RNF103: variants seen among roughly 807,000 people sequenced by gnomAD.
RNF103 encodes E3 ubiquitin-protein ligase RNF103.
In RNF103, 23 loss-of-function variants were observed where a neutral mutation model predicts 66.2. That is an observed-to-expected ratio of 0.35 (90% CI 0.25 to 0.49). The LOEUF (loss-of-function observed/expected upper bound fraction) is 0.49. Ranked by LOEUF, RNF103 falls within the 20% of genes least tolerant of loss-of-function variation. The probability of loss-of-function intolerance (pLI) is 0.98; values close to 1 mark genes in which losing one functional copy is unlikely to be tolerated. For synonymous variants in RNF103, 297 were observed against 289.9 expected (o/e 1.02, Z -0.25); for missense variants, 730 against 814.7 (o/e 0.90, Z 1.27).
At position 86,605,026 on chromosome 2, in the gene RNF103, G is replaced by C. The variant is rs770748077; in HGVS notation, c.875C>G (p.Thr292Ser). The C allele has an allele frequency of 1.9e-6, 3 of 1,613,962 alleles. No individual in the cohort carries two copies. The highest frequency in any genetic ancestry group is 2.2e-5 in the East Asian group (1 of 44,818). The part of the protein sequence containing the change: ...IYNMPSYILR[T>S]PEGIYRYGNH... ...TCCATACCTGTAAATTCCTTCAGGA[G>C]TTCTAAGTATGTATGATGGCATATT... The change falls in exon 4 of 4, where the codon ACT becomes AGT. Residue 292 changes from threonine to serine, a missense_variant. By Grantham distance (58) the Thr-to-Ser change is moderately conservative (BLOSUM62 1). This residue lies in a region of RNF103 where 327 missense variants were observed against 369.8 expected (regional missense o/e 0.88). Coordinates refer to ENST00000237455, the MANE Select transcript of RNF103 (RefSeq NM_005667.4).
In RNF103 at chr2:86,604,919, C is replaced by G. The variant is rs1343964859; in HGVS notation, c.982G>C (p.Val328Leu). Residue 328 changes from valine (V) to leucine (L), a missense_variant, in exon 4 of 4, where the codon GTT becomes CTT. Around this residue, in one of 3 missense-constraint regions of RNF103, gnomAD observed 48 missense variants for 93.0 expected, o/e 0.52. Coordinates refer to ENST00000237455, the MANE Select transcript of RNF103 (RefSeq NM_005667.4). ...AGATTAACTAGAACCAAGCTCAAAA[C>G]AAACAGATCATTTACCTCGGGTTGT... ...SLQPEVNDLFVLSLVLVNLMA... is the reference protein window; with the variant it reads ...SLQPEVNDLFLLSLVLVNLMA... 6.2e-7 allele frequency: 1 copy of G among 1,614,096 alleles called. No homozygotes were observed. Among genetic ancestry groups the G allele is most frequent in the Admixed American group, 1.7e-5 (1 of 60,018 alleles).
In RNF103 at chr2:86,620,455, C is replaced by A. The variant is rs976858483; in HGVS notation, c.241G>T (p.Gly81Cys). The change falls in exon 2 of 4, where the codon GGT (glycine) becomes TGT (cysteine). Residue 81 changes from glycine to cysteine, a missense_variant. By Grantham distance (159) the Gly-to-Cys change is radical. This residue lies in a region of RNF103 where 327 missense variants were observed against 369.8 expected (regional missense o/e 0.88). Coordinates refer to ENST00000237455, the MANE Select transcript of RNF103 (RefSeq NM_005667.4). ...TCCTTGAGAGCAGAATAGAGCTCAC[C>A]CTCCATCAAGTCACCTGAAGAAAGG... ...LVEKSGDLMEGELYSALKEEE... is the reference protein window; with the variant it reads ...LVEKSGDLMECELYSALKEEE... The A allele has an allele frequency of 1.9e-6, 3 of 1,584,446 alleles. No homozygotes were observed. In the African/African-American group the frequency reaches 4.0e-5, roughly 21 times the overall value.
chr2:86,604,663 T>C lies in RNF103; in HGVS notation c.1238A>G (p.Tyr413Cys), dbSNP rs1164188214. 1 of 1,614,098 alleles carries C rather than the reference T, an allele frequency of 6.2e-7. No homozygotes were observed. The highest frequency in any genetic ancestry group is 8.5e-7 in the Non-Finnish European group (1 of 1,180,028). ...ASWVRADWMF[Y>C]SSHPALFLST... ...GAGAAACAGGGCTGGGTGTGAAGAGTAAAACATCCAGTCTGCCCTTACCCA... is the reference window on the plus strand; with the variant it reads ...GAGAAACAGGGCTGGGTGTGAAGAGCAAAACATCCAGTCTGCCCTTACCCA... Residue 413 changes from tyrosine to cysteine, a missense_variant, in exon 4 of 4, where the codon TAC (tyrosine) becomes TGC (cysteine). By Grantham distance (194) the Tyr-to-Cys change is radical (BLOSUM62 -2). Coordinates refer to ENST00000237455, the MANE Select transcript of RNF103 (RefSeq NM_005667.4).
chr2:86,614,737 G>A (rs1246249520), intron 2 of RNF103: 1 of 952,644 alleles, frequency 1.0e-6, no homozygotes, highest in Non-Finnish European at 1.2e-6. Context: ...TAGTTCTTTT[G>A]GTCAAATAAT....
At chr2:86,608,086 GT>G (rs555137683) in intron 3 of RNF103, among the ~76,000 whole-genome samples, 663 of 152,152 alleles carry the variant, frequency 4.4e-3, no homozygotes, top group Non-Finnish European at 7.7e-3. Context: ...ATATCCTCTA[GT>G]TTTTAAACTA....
chr2:86,617,006 C>T, intron 2 of RNF103: 5 of 985,192 alleles, frequency 5.1e-6, no homozygotes, highest in Non-Finnish European at 6.0e-6. Flanking sequence ...AAATGAATAG[C>T]TAATGAAAGA....
At chr2:86,617,219 G>A (rs1679053995) in intron 2 of RNF103, 1 of 985,270 alleles carries the variant, frequency 1.0e-6, no homozygotes, top group South Asian at 4.7e-5. Flanking sequence ...AAAATATGAA[G>A]AGGATTGAAC....
At chr2:86,613,665 T>C (rs1678892836) in intron 2 of RNF103, 1 of 152,140 alleles carries the variant, frequency 6.6e-6, no homozygotes, top group Non-Finnish European at 1.5e-5. Flanking sequence ...GTCAACTCCT[T>C]GGGAGACGCA....
Position 86,612,270 on chromosome 2 carries a change from A to G in RNF103, c.371T>C (p.Ile124Thr), listed in dbSNP as rs1678826869. 2.5e-6 allele frequency: 4 copies of G among 1,602,000 alleles called. No individual in the cohort carries two copies. Among genetic ancestry groups the G allele is most frequent in the South Asian group, 1.1e-5 (1 of 89,838 alleles). Residue 124 changes from isoleucine (I) to threonine (T), a missense_variant, in exon 3 of 4, where the codon ATA becomes ACA. By Grantham distance (89) the Ile-to-Thr change is moderately conservative. Transcript: ENST00000237455. ...CACCAAGGGACTTCTGTCATTTGCTATGACCTATTCCCAAAAATAGAGAAA... is the reference window on the plus strand; with the variant it reads ...CACCAAGGGACTTCTGTCATTTGCTGTGACCTATTCCCAAAAATAGAGAAA... ...TKDGIWLVQV[I>T]ANDRSPLVGK...
intron 2 of RNF103, 100 bp from the exon 3 acceptor site, chr2:86,612,374 T>C: frequency 1.5e-6 from 1 of 673,710 alleles, no homozygotes. Flanking sequence ...AAAAAAGATA[T>C]TCTGTTCCCA....
intron 2 of RNF103, among the ~76,000 whole-genome samples, chr2:86,619,629 A>C (rs543094455): frequency 2.8e-4 from 43 of 152,342 alleles, no homozygotes; most frequent in African/African-American, 9.1e-4. Context: ...AAAATTTATG[A>C]AATTTATGTT....
intron 3 of RNF103, among the ~76,000 whole-genome samples, chr2:86,606,642 G>T (rs1210360862): frequency 7.8e-6 from 1 of 127,518 alleles, no homozygotes; most frequent in African/African-American, 3.1e-5. Flanking sequence ...CAGCCTGGGC[G>T]ACAGAGCAAA....
intron 2 of RNF103, chr2:86,612,617 A>C (rs1678843387): frequency 1.2e-5 from 2 of 168,184 alleles, no homozygotes; most frequent in South Asian, 3.9e-4. Flanking sequence ...CCTTGGAATA[A>C]TTTCTCTTTG....
At chr2:86,611,920 G>A (rs1036834989) in intron 3 of RNF103, among the ~76,000 whole-genome samples, 4 of 152,142 alleles carry the variant, frequency 2.6e-5, no homozygotes, top group African/African-American at 9.7e-5. Flanking sequence ...AAACACAGAA[G>A]AGCCAGAGAA....
intron 3 of RNF103, among the ~76,000 whole-genome samples, chr2:86,608,839 C>T (rs1048091976): frequency 5.3e-5 from 8 of 152,140 alleles, no homozygotes; most frequent in African/African-American, 1.7e-4. Flanking sequence ...CCTCTGAAAT[C>T]GATCTGCTGG....
At chr2:86,606,493 T>C (rs753516925) in intron 3 of RNF103, among the ~76,000 whole-genome samples, 8 of 151,884 alleles carry the variant, frequency 5.3e-5, no homozygotes, top group Non-Finnish European at 1.2e-4. Flanking sequence ...TGAAACCCCA[T>C]CTCTACCAAA....
rs1348175770 is a variant in RNF103 at position 86,605,311 on chromosome 2, A to G, written c.590T>C (p.Ile197Thr). The G allele has an allele frequency of 1.2e-6, 2 of 1,614,054 alleles. No individual in the cohort carries two copies. Among genetic ancestry groups the G allele is most frequent in the Non-Finnish European group, 1.7e-6 (2 of 1,180,034 alleles). The change falls in exon 4 of 4, where the codon ATT (isoleucine) becomes ACT (threonine). Residue 197 changes from isoleucine (I) to threonine (T), a missense_variant. Transcript: ENST00000237455. ...VMLKEYSGRK[I>T]EVEHIFKWIT... ...CCATTTAAAAATGTGCTCTACTTCA[A>G]TCTTGCGTCCACTGTATTCTTTAAG... is the stretch of plus-strand genomic sequence containing the variant.
At chr2:86,605,901 T>C (rs1368214652) in intron 3 of RNF103, among the ~76,000 whole-genome samples, 1 of 152,138 alleles carries the variant, frequency 6.6e-6, no homozygotes, top group Non-Finnish European at 1.5e-5. Context: ...AGAATCCAGA[T>C]GGGTGGAGAA....
intron 3 of RNF103, among the ~76,000 whole-genome samples, chr2:86,606,260 G>A (rs1678541298): frequency 6.6e-6 from 1 of 152,148 alleles, no homozygotes. Flanking sequence ...TTATGCAGTA[G>A]GATCATGACT....
Sources: gnomAD v4.1 joint callset for allele counts (sites outside exome capture counted in the v4.1 genomes callset) on GRCh38, gnomAD v4.1.1 for gene constraint, gnomAD v4.1.1 regional missense constraint, MANE v1.5 for transcripts, NCBI Gene and HGNC (gene_info 2026-07-23, HGNC 2026-07-21) for gene names.